Variants in DISC1 observed in about 807,000 individuals in gnomAD.
DISC1 encodes DISC1 scaffold protein, also known as disrupted in schizophrenia 1 protein.
In DISC1, 57 loss-of-function variants were observed where a neutral mutation model predicts 84.5. That is an observed-to-expected ratio of 0.67 (90% CI 0.55 to 0.84). The LOEUF is 0.84. Among genes scored for constraint, DISC1 ranks in the 40% least tolerant of loss-of-function variants. DISC1 has a pLI of 0.00. For synonymous variants in DISC1, 411 were observed against 415.2 expected (o/e 0.99, Z 0.12); for missense variants, 1,000 against 1,057.8 (o/e 0.95, Z 0.76).
chr1:231,818,614 G>T, intron 9 of DISC1, 97 bp downstream of exon 9: 3 of 1,552,096 alleles, frequency 1.9e-6, no homozygotes, highest in Non-Finnish European at 2.6e-6. Flanking sequence ...GAACGTCACT[G>T]TGAAGAGCGT....
chr1:231,931,228 A>C (rs1176797429), intron 9 of DISC1, among the ~76,000 whole-genome samples: 1 of 152,108 alleles, frequency 6.6e-6, no homozygotes, highest in Non-Finnish European at 1.5e-5. Context: ...TTAATACGAA[A>C]GAAGCTACAC....
At chr1:231,942,084 AAG>A (rs1313248114) in intron 9 of DISC1, among the ~76,000 whole-genome samples, 3 of 152,094 alleles carry the variant, frequency 2.0e-5, no homozygotes, top group African/African-American at 4.8e-5. Flanking sequence ...GGATGAGGGA[AAG>A]AGGGAAAAAA....
chr1:231,673,005 C>A (rs2062769415), intron 1 of DISC1, among the ~76,000 whole-genome samples: 1 of 152,134 alleles, frequency 6.6e-6, no homozygotes, highest in Admixed American at 6.5e-5. Flanking sequence ...TCTGATCAAG[C>A]TGTCCATGAA....
intron 1 of DISC1, among the ~76,000 whole-genome samples, chr1:231,635,930 G>A (rs373176080): frequency 3.6e-4 from 55 of 152,238 alleles, no homozygotes; most frequent in African/African-American, 1.2e-3. Context: ...TGAAGTTTCC[G>A]GATATTGTTT....
intron 1 of DISC1, 80 bp from the exon 2 acceptor site, chr1:231,693,746 A>G: frequency 1.4e-5 from 22 of 1,603,856 alleles, no homozygotes; most frequent in Non-Finnish European, 1.9e-5. Flanking sequence ...CTTTAAACCT[A>G]GGGATGTTCT....
At chr1:232,007,807 A>G (rs1161368589) in intron 10 of DISC1, among the ~76,000 whole-genome samples, 1 of 152,148 alleles carries the variant, frequency 6.6e-6, no homozygotes, top group Non-Finnish European at 1.5e-5. Context: ...TTGTGTCCCC[A>G]CCCAAATTTC....
intron 11 of DISC1, among the ~76,000 whole-genome samples, chr1:232,011,623 C>T (rs1668023741): frequency 6.6e-6 from 1 of 152,034 alleles, no homozygotes; most frequent in Non-Finnish European, 1.5e-5. Flanking sequence ...ACAAGAGCAA[C>T]AGGAAGGAAT....
At chr1:231,832,613 G>A (rs1191410464) in intron 9 of DISC1, among the ~76,000 whole-genome samples, 1 of 150,712 alleles carries the variant, frequency 6.6e-6, no homozygotes, top group East Asian at 2.0e-4. Context: ...GAGCCTAATG[G>A]GTGTCAGGGT....
At chr1:231,665,141 C>A (rs1432108993) in intron 1 of DISC1, among the ~76,000 whole-genome samples, 1 of 152,150 alleles carries the variant, frequency 6.6e-6, no homozygotes, top group South Asian at 2.1e-4. Flanking sequence ...ACATAAGGTA[C>A]TGTGGTAATA....
chr1:231,840,030 A>G (rs1055086280), intron 9 of DISC1, among the ~76,000 whole-genome samples: 3 of 152,190 alleles, frequency 2.0e-5, no homozygotes, highest in Admixed American at 2.0e-4. Flanking sequence ...TCTAAACTAT[A>G]TCAAAAGTCG....
Position 231,855,153 on chromosome 1 carries a change from C to T in DISC1, c.1981+36636C>T, listed in dbSNP as rs80332452. 2.7e-3 allele frequency: 2,706 copies of T among 1,006,616 alleles called. 47 individuals carry two copies. In the African/African-American group the frequency reaches 0.04, roughly 15 times the overall value. The allele number at this position is 1,006,616 out of a possible 1,614,324, so 62.4% of individuals were successfully genotyped here. On this transcript the variant is annotated intron_variant, in intron 9 of 12. Coordinates refer to ENST00000439617, the MANE Select transcript of DISC1 (RefSeq NM_018662.3). ...ATTTTGGTTTTCAATGTTGATGCAG[C>T]GTCCTTTGTGAATCTTTAAATTTGT...
rs538636516 is a variant in DISC1, at chr1:231,736,799, G to A, written c.1118-13127G>A. ...GACTTATGAAGACATTGATTGCTTTGTAGCTTTAAAAGACCTCCTTAGAAT... is the reference window on the plus strand; with the variant it reads ...GACTTATGAAGACATTGATTGCTTTATAGCTTTAAAAGACCTCCTTAGAAT... On this transcript the variant is annotated intron_variant, in intron 3 of 12. Transcript: ENST00000439617. 5.9e-5 allele frequency among the ~76,000 whole-genome samples: 9 copies of A among 152,280 alleles called. No individual in the cohort carries two copies. The East Asian group carries it at 1.7e-3, about 29-fold the overall frequency.
At chr1:231,851,096 T>C (rs2083864995) in intron 9 of DISC1, among the ~76,000 whole-genome samples, 1 of 152,206 alleles carries the variant, frequency 6.6e-6, no homozygotes, top group South Asian at 2.1e-4. Flanking sequence ...GAGCACTTAC[T>C]GAGCGCTTCT....
intron 1 of DISC1, among the ~76,000 whole-genome samples, chr1:231,631,424 G>A (rs926688638): frequency 5.3e-5 from 8 of 152,132 alleles, no homozygotes; most frequent in Non-Finnish European, 8.8e-5. Context: ...CCTCAGGCAG[G>A]TCCTTCAGGA....
chr1:231,640,824 C>T (rs1478204086), intron 1 of DISC1, among the ~76,000 whole-genome samples: 1 of 152,188 alleles, frequency 6.6e-6, no homozygotes, highest in African/African-American at 2.4e-5. Flanking sequence ...GCATGAGCCA[C>T]CACGCTGTGC....
At chr1:231,903,976 G>A (rs2088418200) in intron 9 of DISC1, among the ~76,000 whole-genome samples, 1 of 152,224 alleles carries the variant, frequency 6.6e-6, no homozygotes, top group Non-Finnish European at 1.5e-5. Context: ...AGCAGTTACT[G>A]CTTTGGAGCA....
intron 8 of DISC1, among the ~76,000 whole-genome samples, chr1:231,814,147 A>C (rs2080634261): frequency 6.6e-6 from 1 of 152,220 alleles, no homozygotes; most frequent in Admixed American, 6.5e-5. Context: ...CTGCCTGCTA[A>C]GTAACAATAA....
At chr1:231,871,171 G>A (rs926814292) in intron 9 of DISC1, among the ~76,000 whole-genome samples, 17 of 152,292 alleles carry the variant, frequency 1.1e-4, no homozygotes, top group Middle Eastern at 3.4e-3. Flanking sequence ...GTTGGTTGGT[G>A]CTGGAAAGTC....
intron 1 of DISC1, among the ~76,000 whole-genome samples, chr1:231,646,904 C>G (rs823158): frequency 6.6e-6 from 1 of 151,596 alleles, no homozygotes; most frequent in Admixed American, 6.6e-5. Flanking sequence ...TTTTGATGGG[C>G]TTGTTTATTT....
Sources: gnomAD v4.1 joint callset for allele counts (sites outside exome capture counted in the v4.1 genomes callset) on GRCh38, gnomAD v4.1.1 for gene constraint, MANE v1.5 for transcripts, NCBI Gene and HGNC (gene_info 2026-07-23, HGNC 2026-07-21) for gene names.